Variants in XPR1 observed in about 807,000 individuals in gnomAD.
XPR1 encodes the protein xenotropic and polytropic retrovirus receptor 1.
A neutral mutation model predicts 87.5 loss-of-function variants in XPR1; 28 were observed. That is an observed-to-expected ratio of 0.32 (90% CI 0.24 to 0.44). The LOEUF is 0.44. Ranked by LOEUF, XPR1 falls within the 20% of genes least tolerant of loss-of-function variation. XPR1 has a pLI of 1.00. For missense variants in XPR1, 559 were observed against 862.3 expected, an observed-to-expected ratio of 0.65 and a Z score of 4.41; for synonymous variants, 300 against 306.1, an observed-to-expected ratio of 0.98 and a Z score of 0.21.
intron 2 of XPR1, among the ~76,000 whole-genome samples, chr1:180,748,400 CTTTTTTTTTTTTTTTTTTTTTTT>C (rs71297873): frequency 6.7e-5 from 2 of 29,650 alleles, no homozygotes; most frequent in Non-Finnish European, 1.4e-4. Context: ...TTATTTATGT[CTTTTTTTTTTTTTTTTTTTTTTT>C]TTTTTTTTTT....
rs1650362050 is a variant in XPR1 at position 180,815,178 on chromosome 1, A to G, written c.763+3690A>G. 2.6e-5 allele frequency among the ~76,000 whole-genome samples: 4 copies of G among 152,208 alleles called. No individual in the cohort carries two copies. In the South Asian group the frequency reaches 6.2e-4, roughly 24 times the overall value. On this transcript the variant is annotated intron_variant, in intron 7 of 14. Transcript: ENST00000367590. ...TCAAGATGAGCATGGTGGTATTATC[A>G]TCATTAAAAAAAGACATAAAAAATA...
Position 180,884,839 on chromosome 1 carries a change from G to C in XPR1, c.*773G>C, listed in dbSNP as rs372488153. ...TTCAGGAGACAACTTGCACCAGTTT[G>C]ACCTTTTCTTTTCTTTGTTTTTATT... On this transcript the variant is annotated 3_prime_UTR_variant, in exon 15 of 15. Coordinates refer to ENST00000367590, the MANE Select transcript of XPR1 (RefSeq NM_004736.4). The C allele has an allele frequency of 6.6e-6, 1 of 152,576 alleles. No individual in the cohort carries two copies. Among genetic ancestry groups the C allele is most frequent in the East Asian group, 1.9e-4 (1 of 5,202 alleles). The allele number at this position is 152,576 out of a possible 1,614,324, so 9.5% of individuals were successfully genotyped here.
intron 2 of XPR1, among the ~76,000 whole-genome samples, chr1:180,710,656 C>G (rs145312085): frequency 6.6e-6 from 1 of 152,218 alleles, no homozygotes; most frequent in Non-Finnish European, 1.5e-5. Context: ...ACATTTCCCC[C>G]CTTACTATTC....
chr1:180,655,793 G>A lies in XPR1; in HGVS notation c.69+23523G>A, dbSNP rs144932239. 8.8e-4 allele frequency among the ~76,000 whole-genome samples: 133 copies of A among 151,608 alleles called. 1 individual carries two copies. In the South Asian group the frequency reaches 0.016, roughly 18 times the overall value. ...AAATTGCCCAATTTTTATTATCCTT[G>A]ATTACTGAGTACCATCTTTTTTTAA... is the stretch of plus-strand genomic sequence containing the variant. On this transcript the variant is annotated intron_variant, in intron 1 of 14. Transcript: ENST00000367590.
intron 11 of XPR1, among the ~76,000 whole-genome samples, chr1:180,861,445 C>T (rs1236056867): frequency 6.6e-6 from 1 of 151,824 alleles, no homozygotes; most frequent in African/African-American, 2.4e-5. Flanking sequence ...TCAGCTAGAC[C>T]CTATATCTGC....
At chr1:180,711,184 G>C (rs1168496240) in intron 2 of XPR1, among the ~76,000 whole-genome samples, 2 of 151,876 alleles carry the variant, frequency 1.3e-5, no homozygotes, top group Admixed American at 1.3e-4. Flanking sequence ...CGGCCAGGCA[G>C]AGACGCTCCT....
intron 2 of XPR1, among the ~76,000 whole-genome samples, chr1:180,702,380 G>A (rs1454863863): frequency 6.7e-6 from 1 of 148,444 alleles, no homozygotes; most frequent in Non-Finnish European, 1.5e-5. Context: ...TTTGGAATAG[G>A]TGTGGTGTGG....
rs543409171 is a variant in XPR1 at position 180,851,517 on chromosome 1, C to A, written c.1502-12191C>A. On this transcript the variant is annotated intron_variant, in intron 11 of 14. Transcript: ENST00000367590. ...AGGCACAAACTCCATAGAAACATAA[C>A]CTAGAAAGGTATGGTGTAAACAATG... 6.3e-4 allele frequency among the ~76,000 whole-genome samples: 96 copies of A among 152,234 alleles called. No individual in the cohort carries two copies. In the South Asian group the frequency reaches 9.1e-3, roughly 14 times the overall value.
chr1:180,880,365 T>C (rs1652812256), intron 14 of XPR1, 68 bp downstream of exon 14: 11 of 1,563,000 alleles, frequency 7.0e-6, no homozygotes, highest in Admixed American at 1.7e-5. Flanking sequence ...GCATGTAAGC[T>C]AAAAAGCTAT....
At chr1:180,690,780 G>A (rs1656961807) in intron 2 of XPR1, among the ~76,000 whole-genome samples, 2 of 150,104 alleles carry the variant, frequency 1.3e-5, no homozygotes, top group Admixed American at 1.3e-4. Flanking sequence ...TCTAGTATCC[G>A]AAATAGGCAT....
intron 2 of XPR1, among the ~76,000 whole-genome samples, chr1:180,707,828 A>T (rs769666150): frequency 6.6e-6 from 1 of 152,172 alleles, no homozygotes; most frequent in Non-Finnish European, 1.5e-5. Flanking sequence ...CAGGGTCCTG[A>T]TTATGGTTGT....
At chr1:180,818,396 C>T (rs1454540465) in intron 7 of XPR1, among the ~76,000 whole-genome samples, 2 of 151,128 alleles carry the variant, frequency 1.3e-5, no homozygotes, top group African/African-American at 4.9e-5. Context: ...GTTAAGTGTG[C>T]AGGCTTTGGA....
chr1:180,772,875 A>T (rs572477350), intron 2 of XPR1, among the ~76,000 whole-genome samples: 3 of 152,226 alleles, frequency 2.0e-5, no homozygotes, highest in Admixed American at 2.0e-4. Context: ...CATCATGAAA[A>T]CTGACTAATA....
chr1:180,797,186 T>C (rs1649616366), intron 3 of XPR1, among the ~76,000 whole-genome samples: 1 of 152,186 alleles, frequency 6.6e-6, no homozygotes, highest in Admixed American at 6.5e-5. Flanking sequence ...AAACAAATTA[T>C]TTAAAATAAA....
intron 1 of XPR1, among the ~76,000 whole-genome samples, chr1:180,639,416 G>T (rs1654895730): frequency 6.6e-6 from 1 of 152,074 alleles, no homozygotes; most frequent in Non-Finnish European, 1.5e-5. Context: ...TATTGATTAA[G>T]AAAACATAGT....
chr1:180,664,795 G>GT (rs1486826338), intron 1 of XPR1, among the ~76,000 whole-genome samples: 1 of 152,174 alleles, frequency 6.6e-6, no homozygotes, highest in African/African-American at 2.4e-5. Context: ...ATGGAAGTCA[G>GT]TTTTTTCATG....
chr1:180,859,080 G>A (rs936699768), intron 11 of XPR1, among the ~76,000 whole-genome samples: 3 of 862 alleles, frequency 3.5e-3, no homozygotes, highest in African/African-American at 8.5e-3. Flanking sequence ...CTCTTTTCAC[G>A]TGGTGCCACA....
intron 14 of XPR1, among the ~76,000 whole-genome samples, chr1:180,883,645 G>C (rs1038813045): frequency 6.7e-6 from 1 of 148,578 alleles, no homozygotes; most frequent in African/African-American, 2.5e-5. Context: ...GGAAACGGAG[G>C]TTGCAGTGAG....
At chr1:180,835,111 T>C in intron 10 of XPR1, 66 bp downstream of exon 10, 1 of 1,511,284 alleles carries the variant, frequency 6.6e-7, no homozygotes, top group Admixed American at 2.1e-5. Context: ...TTGGGAAGGA[T>C]AAATGAGAAA....
Sources: gnomAD v4.1 joint callset for allele counts (sites outside exome capture counted in the v4.1 genomes callset) on GRCh38, gnomAD v4.1.1 for gene constraint, MANE v1.5 for transcripts, NCBI Gene and HGNC (gene_info 2026-07-23, HGNC 2026-07-21) for gene names.